The following CHRM2 variants were observed in gnomAD, a reference collection of about 807,000 sequenced individuals.
CHRM2 encodes the protein cholinergic receptor muscarinic 2.
In CHRM2, 8 loss-of-function variants were observed where a neutral mutation model predicts 25.0. The ratio of observed to expected loss-of-function variants is 0.32; its 90% CI spans 0.19 to 0.58. The LOEUF (loss-of-function observed/expected upper bound fraction) is 0.58. CHRM2 is among the 20% of genes least tolerant of loss of function. CHRM2 has a pLI of 0.88. For missense variants in CHRM2, 440 were observed against 567.1 expected (o/e 0.78, Z 2.28); for synonymous variants, 202 against 205.7 (o/e 0.98, Z 0.15).
chr7:136,930,385 A>C (rs758307000), intron 2 of CHRM2, among the ~76,000 whole-genome samples: 3 of 152,126 alleles, frequency 2.0e-5, no homozygotes, highest in Non-Finnish European at 4.4e-5. Flanking sequence ...TCTTAACTTC[A>C]TCTGGGATCT....
chr7:136,912,131 A>T (rs1797876371), intron 2 of CHRM2, among the ~76,000 whole-genome samples: 1 of 151,820 alleles, frequency 6.6e-6, no homozygotes. Flanking sequence ...GATTTTTTTT[A>T]ATATCATAAA....
intron 2 of CHRM2, among the ~76,000 whole-genome samples, chr7:136,885,571 A>G (rs571473387): frequency 5.9e-5 from 9 of 152,216 alleles, no homozygotes; most frequent in Non-Finnish European, 1.0e-4. Context: ...ATGCACTAGA[A>G]ATGGTTATTT....
chr7:136,953,995 T>C (rs1009479028), intron 2 of CHRM2, among the ~76,000 whole-genome samples: 4 of 152,086 alleles, frequency 2.6e-5, no homozygotes, highest in Non-Finnish European at 5.9e-5. Flanking sequence ...TGGTGGACTA[T>C]GAATCTAGGT....
At chr7:136,873,984 C>T (rs116473126) in intron 2 of CHRM2, among the ~76,000 whole-genome samples, 1,660 of 152,212 alleles carry the variant, frequency 0.011, 28 homozygotes, top group African/African-American at 0.038. Flanking sequence ...GTTCTTTTGT[C>T]TGATGCATAG....
chr7:136,924,559 G>T (rs998901823), intron 2 of CHRM2, among the ~76,000 whole-genome samples: 1 of 151,946 alleles, frequency 6.6e-6, no homozygotes, highest in East Asian at 1.9e-4. Flanking sequence ...ATACCACCCC[G>T]CTGATACTTT....
At chr7:136,930,663 C>T (rs1025186172) in intron 2 of CHRM2, among the ~76,000 whole-genome samples, 3 of 151,442 alleles carry the variant, frequency 2.0e-5, no homozygotes, top group South Asian at 2.1e-4. Context: ...TTTGGGAGGC[C>T]AAGGAGGGTG....
At chr7:136,939,774 A>T (rs1226473651) in intron 2 of CHRM2, among the ~76,000 whole-genome samples, 1 of 152,252 alleles carries the variant, frequency 6.6e-6, no homozygotes, top group Non-Finnish European at 1.5e-5. Flanking sequence ...ATTTCAGTAC[A>T]TAAAAATGGA....
intron 2 of CHRM2, among the ~76,000 whole-genome samples, chr7:136,959,356 C>T (rs996632395): frequency 1.5e-4 from 23 of 152,164 alleles, no homozygotes; most frequent in African/African-American, 5.3e-4. Flanking sequence ...GGAGGACTAA[C>T]AAGAAATGCG....
At chr7:136,940,050 C>T (rs770185071) in intron 2 of CHRM2, among the ~76,000 whole-genome samples, 1 of 152,120 alleles carries the variant, frequency 6.6e-6, no homozygotes, top group African/African-American at 2.4e-5. Context: ...AAGAGCTGAA[C>T]AGGATAGTTT....
At chr7:136,961,924 T>A (rs559223355) in intron 2 of CHRM2, among the ~76,000 whole-genome samples, 34 of 152,118 alleles carry the variant, frequency 2.2e-4, no homozygotes, top group Non-Finnish European at 3.7e-4. Flanking sequence ...ATGGCTTGGA[T>A]TGCTTGGTTC....
chr7:136,929,183 T>A (rs761018346), intron 2 of CHRM2, among the ~76,000 whole-genome samples: 32 of 152,170 alleles, frequency 2.1e-4, no homozygotes, highest in Non-Finnish European at 2.8e-4. Flanking sequence ...ATTTACTAAT[T>A]GAATTAGCCA....
chr7:136,879,891 G>A (rs1796195079), intron 2 of CHRM2, among the ~76,000 whole-genome samples: 1 of 151,956 alleles, frequency 6.6e-6, no homozygotes, highest in South Asian at 2.1e-4. Context: ...CAAATAAAAT[G>A]AGATTTTCCT....
intron 2 of CHRM2, among the ~76,000 whole-genome samples, chr7:136,890,533 A>G (rs540503579): frequency 1.3e-5 from 2 of 152,364 alleles, no homozygotes; most frequent in Admixed American, 6.5e-5. Context: ...AGGCAGAAAT[A>G]TGAGCAGACA....
chr7:136,972,635 G>T (rs957153138), intron 2 of CHRM2, among the ~76,000 whole-genome samples: 5 of 152,246 alleles, frequency 3.3e-5, no homozygotes, highest in Admixed American at 1.3e-4. Context: ...GAATATGCTT[G>T]TGACCAATGT....
chr7:136,925,540 C>CTT (rs139806824), intron 2 of CHRM2, among the ~76,000 whole-genome samples: 35,707 of 149,366 alleles, frequency 0.24, 5,532 homozygotes, highest in Non-Finnish European at 0.35. Context: ...CTATAAACAG[C>CTT]TTTTTTTTTT....
intron 2 of CHRM2, among the ~76,000 whole-genome samples, chr7:136,965,977 C>G (rs1319411720): frequency 1.3e-5 from 2 of 151,950 alleles, no homozygotes; most frequent in Non-Finnish European, 2.9e-5. Context: ...AAACCTAGAG[C>G]TCTTCCCTTT....
At chr7:136,969,623 A>C (rs1029993396) in intron 2 of CHRM2, among the ~76,000 whole-genome samples, 3 of 152,088 alleles carry the variant, frequency 2.0e-5, no homozygotes, top group African/African-American at 7.2e-5. Context: ...CAAGTGTTTC[A>C]TTATCACACT....
intron 2 of CHRM2, chr7:136,938,650 C>T (rs567687638): frequency 4.2e-5 from 35 of 825,654 alleles, no homozygotes; most frequent in Non-Finnish European, 6.7e-5. Flanking sequence ...GGGCACAGGG[C>T]CCACTCGTGC....
intron 2 of CHRM2, among the ~76,000 whole-genome samples, chr7:136,967,004 A>G (rs1801460208): frequency 6.6e-6 from 1 of 152,016 alleles, no homozygotes; most frequent in African/African-American, 2.4e-5. Flanking sequence ...GTTTAGGGAC[A>G]TATTGAAAAA....
Sources: gnomAD v4.1 joint callset for allele counts (sites outside exome capture counted in the v4.1 genomes callset) on GRCh38, gnomAD v4.1.1 for gene constraint, MANE v1.5 for transcripts, NCBI Gene and HGNC (gene_info 2026-07-23, HGNC 2026-07-21) for gene names.